The following TASP1 variants were observed in gnomAD, a reference collection of about 807,000 sequenced individuals.
TASP1 encodes taspase 1.
In TASP1, 16 loss-of-function variants were observed where a neutral mutation model predicts 56.6. The ratio of observed to expected loss-of-function variants is 0.28; its 90% CI spans 0.19 to 0.43. TASP1 has a LOEUF of 0.43. Among genes scored for constraint, TASP1 ranks in the 20% least tolerant of loss-of-function variants. TASP1 has a pLI of 1.00. For synonymous variants in TASP1, 179 were observed against 184.2 expected (o/e 0.97, Z 0.23); for missense variants, 393 against 511.6 (o/e 0.77, Z 2.24).
rs768233938 is a variant in TASP1 at position 13,630,014 on chromosome 20, G to A, written c.65C>T (p.Ala22Val). 6.2e-7 allele frequency: 1 copy of A among 1,613,920 alleles called. No individual in the cohort carries two copies. The highest frequency in any genetic ancestry group is 1.1e-5 in the South Asian group (1 of 91,004). ...GLPSRSSQVSAGKITAKELET... is the reference protein window; with the variant it reads ...GLPSRSSQVSVGKITAKELET... Reference sequence around the variant, plus strand: ...CAACTCTTTGGCTGTTATTTTACCAGCCGAAACCTGAGATGATCTGGAAGG... The same window carrying A: ...CAACTCTTTGGCTGTTATTTTACCAACCGAAACCTGAGATGATCTGGAAGG... Residue 22 changes from alanine (A) to valine (V), a missense_variant, in exon 2 of 14, where the codon GCT becomes GTT. Ala to Val is a moderately conservative substitution (Grantham distance 64). This residue lies in a region of TASP1 where 52 missense variants were observed against 51.1 expected (regional missense o/e 1.02). Transcript: ENST00000337743.
intron 11 of TASP1, among the ~76,000 whole-genome samples, chr20:13,479,265 T>A (rs2043049058): frequency 6.6e-6 from 1 of 152,118 alleles, no homozygotes; most frequent in Non-Finnish European, 1.5e-5. Context: ...TTTATACAAA[T>A]ATTTTTTTAA....
the TASP1 span, among the ~76,000 whole-genome samples, chr20:13,361,838 T>C: frequency 2.0e-5 from 3 of 152,108 alleles, no homozygotes; most frequent in Admixed American, 6.5e-5. Context: ...TTGAAGTAAA[T>C]AAATAATCTT....
chr20:13,431,333 TAGAA>T (rs1181052887), intron 12 of TASP1, among the ~76,000 whole-genome samples: 1 of 152,166 alleles, frequency 6.6e-6, no homozygotes, highest in Non-Finnish European at 1.5e-5. Flanking sequence ...GAGCAACTGA[TAGAA>T]AGGAGAATCC....
chr20:13,580,672 CATA>C (rs1437441632), intron 6 of TASP1, among the ~76,000 whole-genome samples: 10 of 151,952 alleles, frequency 6.6e-5, no homozygotes, highest in Non-Finnish European at 5.9e-5. Flanking sequence ...TTTTAAGTTT[CATA>C]ATAAAATGAG....
At chr20:13,479,266 AT>A (rs1568855771) in intron 11 of TASP1, among the ~76,000 whole-genome samples, 1 of 152,110 alleles carries the variant, frequency 6.6e-6, no homozygotes, top group Non-Finnish European at 1.5e-5. Flanking sequence ...TTATACAAAT[AT>A]TTTTTTAAAA....
chr20:13,470,390 C>T (rs957015532), intron 11 of TASP1, among the ~76,000 whole-genome samples: 3 of 152,078 alleles, frequency 2.0e-5, no homozygotes, highest in African/African-American at 4.8e-5. Flanking sequence ...CTTATAAAAC[C>T]GCATTCATTT....
At chr20:13,380,130 G>C in the TASP1 span, among the ~76,000 whole-genome samples, 6 of 152,138 alleles carry the variant, frequency 3.9e-5, no homozygotes, top group African/African-American at 1.4e-4. Flanking sequence ...AAGGAGTTGT[G>C]ATCCTTGGGA....
chr20:13,117,036 T>A, the TASP1 span, among the ~76,000 whole-genome samples: 1 of 152,214 alleles, frequency 6.6e-6, no homozygotes, highest in East Asian at 1.9e-4. Context: ...TAAATAAAGT[T>A]CTGTGTCTTT....
At chr20:13,488,336 T>A (rs897742144) in intron 10 of TASP1, among the ~76,000 whole-genome samples, 3 of 151,586 alleles carry the variant, frequency 2.0e-5, no homozygotes, top group Non-Finnish European at 2.9e-5. Context: ...ACAAAAAAAT[T>A]CAAAAATTTT....
the TASP1 span, among the ~76,000 whole-genome samples, chr20:13,204,047 T>G: frequency 6.6e-6 from 1 of 152,358 alleles, no homozygotes; most frequent in South Asian, 2.1e-4. Context: ...TGTAGTAATG[T>G]CATAAGACTT....
the TASP1 span, among the ~76,000 whole-genome samples, chr20:13,187,711 C>T: frequency 2.7e-3 from 309 of 114,300 alleles, no homozygotes; most frequent in African/African-American, 1.0e-2. Context: ...TCCAGCCTGG[C>T]GACAGAGTGA....
intron 9 of TASP1, among the ~76,000 whole-genome samples, chr20:13,529,167 C>T (rs2045112553): frequency 6.6e-6 from 1 of 152,164 alleles, no homozygotes; most frequent in East Asian, 1.9e-4. Flanking sequence ...GGCAAAAAGG[C>T]CTACTCAAGC....
chr20:13,318,604 G>A, the TASP1 span, among the ~76,000 whole-genome samples: 2 of 152,220 alleles, frequency 1.3e-5, 1 homozygote, highest in Non-Finnish European at 2.9e-5. Flanking sequence ...TTCAGTAGGT[G>A]AAGGGATAAA....
the TASP1 span, among the ~76,000 whole-genome samples, chr20:13,327,372 C>T: frequency 6.6e-6 from 1 of 152,090 alleles, no homozygotes; most frequent in African/African-American, 2.4e-5. Flanking sequence ...ATGAAAATGG[C>T]CATACTGCCC....
At chr20:13,483,851 T>C (rs367753831) in intron 10 of TASP1, among the ~76,000 whole-genome samples, 1 of 152,084 alleles carries the variant, frequency 6.6e-6, no homozygotes, top group Admixed American at 6.5e-5. Flanking sequence ...CAAAAGAAAC[T>C]ACCATCAGAG....
At chr20:13,443,101 C>A (rs1336532502) in intron 11 of TASP1, among the ~76,000 whole-genome samples, 1 of 152,114 alleles carries the variant, frequency 6.6e-6, no homozygotes, top group Non-Finnish European at 1.5e-5. Context: ...ATGGTAAGGA[C>A]CCTTCAGCAT....
intron 8 of TASP1, among the ~76,000 whole-genome samples, chr20:13,550,189 G>GAC (rs2045937317): frequency 2.1e-5 from 2 of 97,274 alleles, no homozygotes. Context: ...CACACACAGA[G>GAC]ACACTGCAAT....
chr20:13,607,048 C>T (rs916674701), intron 4 of TASP1, among the ~76,000 whole-genome samples: 4 of 152,174 alleles, frequency 2.6e-5, no homozygotes, highest in East Asian at 1.9e-4. Flanking sequence ...TAGTGGAGTG[C>T]TAAGAATCTA....
At chr20:13,408,962 C>A (rs1042378123) in intron 13 of TASP1, among the ~76,000 whole-genome samples, 2 of 151,358 alleles carry the variant, frequency 1.3e-5, no homozygotes, top group African/African-American at 4.9e-5. Context: ...TTTAAAATTT[C>A]TTTTCTATGT....
Sources: gnomAD v4.1 joint callset for allele counts (sites outside exome capture counted in the v4.1 genomes callset) on GRCh38, gnomAD v4.1.1 for gene constraint, gnomAD v4.1.1 regional missense constraint, MANE v1.5 for transcripts, NCBI Gene and HGNC (gene_info 2026-07-23, HGNC 2026-07-21) for gene names.